Variants in LDB2 observed in about 807,000 individuals in gnomAD.
LDB2 encodes the protein LIM domain-binding protein 2.
Under a neutral mutation model 44.3 loss-of-function variants are expected in LDB2, and 12 were observed. The ratio of observed to expected loss-of-function variants is 0.27; its 90% CI spans 0.17 to 0.44. The LOEUF is 0.44. Ranked by LOEUF, LDB2 falls within the 20% of genes least tolerant of loss-of-function variation. LDB2 has a pLI of 1.00. For synonymous variants in LDB2, 164 were observed against 174.8 expected (o/e 0.94, Z 0.49); for missense variants, 344 against 473.5 (o/e 0.73, Z 2.54).
intron 1 of LDB2, among the ~76,000 whole-genome samples, chr4:16,791,811 A>G (rs1352425131): frequency 3.3e-5 from 5 of 152,212 alleles, no homozygotes; most frequent in African/African-American, 1.2e-4. Flanking sequence ...CCCTTCAGGT[A>G]TCATAAAATG....
At chr4:16,840,354 A>G (rs1387484822) in intron 1 of LDB2, among the ~76,000 whole-genome samples, 2 of 152,228 alleles carry the variant, frequency 1.3e-5, no homozygotes, top group African/African-American at 4.8e-5. Flanking sequence ...AGATACATAT[A>G]TATATCTTAC....
intron 1 of LDB2, among the ~76,000 whole-genome samples, chr4:16,876,923 T>C: frequency 7.8e-6 from 1 of 128,522 alleles, no homozygotes; most frequent in East Asian, 3.8e-4. Flanking sequence ...TTTTTTTCCT[T>C]AGAGACAAGG....
intron 2 of LDB2, among the ~76,000 whole-genome samples, chr4:16,645,516 C>T (rs906947141): frequency 3.7e-5 from 5 of 135,672 alleles, no homozygotes; most frequent in African/African-American, 1.4e-4. Context: ...CGCAGTCCGG[C>T]CTGGGCGACA....
chr4:16,528,976 G>C (rs1230681443), intron 5 of LDB2, among the ~76,000 whole-genome samples: 1 of 152,088 alleles, frequency 6.6e-6, no homozygotes, highest in Non-Finnish European at 1.5e-5. Context: ...ACCGTACCTG[G>C]ATTTTCTTGG....
At chr4:16,728,081 TG>T (rs1759911368) in intron 2 of LDB2, among the ~76,000 whole-genome samples, 1 of 152,172 alleles carries the variant, frequency 6.6e-6, no homozygotes, top group African/African-American at 2.4e-5. Context: ...AAGTTGCATT[TG>T]TTACTTAATT....
chr4:16,843,794 T>TG lies in LDB2; in HGVS notation c.132+54559dup, dbSNP rs769356420. On this transcript the variant is annotated intron_variant, in intron 1 of 7. Coordinates refer to ENST00000304523, the MANE Select transcript of LDB2 (RefSeq NM_001290.5). The stretch of plus-strand genomic sequence containing the variant: ...GTGCCACCACGCCCAGCTAATTTTT[T>TG]GTATGTTTAGTAGAGACAGGGTTTC... Among the ~76,000 whole-genome samples the TG allele has an allele frequency of 2.1e-3, 312 of 152,040 alleles. 3 individuals carry two copies. Among genetic ancestry groups the TG allele is most frequent in the Non-Finnish European group, 1.0e-3 (68 of 67,980 alleles).
At chr4:16,671,966 C>T (rs996797304) in intron 2 of LDB2, among the ~76,000 whole-genome samples, 1 of 152,144 alleles carries the variant, frequency 6.6e-6, no homozygotes, top group Non-Finnish European at 1.5e-5. Flanking sequence ...GCCTGGAGTC[C>T]ACTGGGACGC....
intron 1 of LDB2, among the ~76,000 whole-genome samples, chr4:16,868,389 G>A (rs1046575002): frequency 6.6e-6 from 1 of 152,088 alleles, no homozygotes; most frequent in Non-Finnish European, 1.5e-5. Context: ...ATCTGCTGAC[G>A]GGGGTGTATT....
intron 1 of LDB2, among the ~76,000 whole-genome samples, chr4:16,773,053 G>A (rs1449739623): frequency 6.6e-5 from 10 of 152,122 alleles, no homozygotes; most frequent in Admixed American, 5.2e-4. Context: ...CTTTTCACCC[G>A]CAAATAATAA....
chr4:16,699,803 C>T (rs1260278335), intron 2 of LDB2, among the ~76,000 whole-genome samples: 1 of 152,170 alleles, frequency 6.6e-6, no homozygotes, highest in Non-Finnish European at 1.5e-5. Flanking sequence ...GTAGGGAACA[C>T]AGACATGTGC....
intron 2 of LDB2, among the ~76,000 whole-genome samples, chr4:16,621,846 A>T (rs1243906044): frequency 6.6e-6 from 1 of 152,214 alleles, no homozygotes; most frequent in Non-Finnish European, 1.5e-5. Context: ...GGTGTAAACC[A>T]CTGTGCCCTG....
intron 2 of LDB2, among the ~76,000 whole-genome samples, chr4:16,640,355 G>C (rs1734796150): frequency 1.3e-5 from 2 of 152,226 alleles, no homozygotes; most frequent in South Asian, 4.1e-4. Context: ...TCCTTAGATA[G>C]TTAGTGGATT....
chr4:16,818,375 G>A (rs1364766365), intron 1 of LDB2, among the ~76,000 whole-genome samples: 1 of 152,184 alleles, frequency 6.6e-6, no homozygotes, highest in Non-Finnish European at 1.5e-5. Flanking sequence ...CGCAAAGAGA[G>A]GGGAAATGGA....
intron 5 of LDB2, among the ~76,000 whole-genome samples, chr4:16,570,102 T>C (rs1745875150): frequency 6.6e-6 from 1 of 152,124 alleles, no homozygotes; most frequent in African/African-American, 2.4e-5. Context: ...ATTGACCCTC[T>C]CTATTCACTG....
intron 2 of LDB2, among the ~76,000 whole-genome samples, chr4:16,672,812 G>GTGCC (rs201842603): frequency 0.053 from 6,508 of 123,862 alleles, 473 homozygotes; most frequent in African/African-American, 0.18. Context: ...AACTGCTTGC[G>GTGCC]TGCCTGCCTG....
chr4:16,524,477 C>T (rs1222309818), intron 5 of LDB2, among the ~76,000 whole-genome samples: 1 of 152,002 alleles, frequency 6.6e-6, no homozygotes, highest in Non-Finnish European at 1.5e-5. Flanking sequence ...AGGAAATATA[C>T]GTGTGAATGC....
intron 1 of LDB2, among the ~76,000 whole-genome samples, chr4:16,803,739 G>T (rs924564194): frequency 6.6e-6 from 1 of 152,058 alleles, no homozygotes; most frequent in African/African-American, 2.4e-5. Context: ...GTGTGTCTTG[G>T]TTTTCTCATC....
intron 1 of LDB2, among the ~76,000 whole-genome samples, chr4:16,812,441 A>C (rs959370509): frequency 8.6e-5 from 13 of 151,930 alleles, no homozygotes; most frequent in Admixed American, 8.5e-4. Context: ...CCTAAATTCA[A>C]ATCTGATAAG....
intron 1 of LDB2, among the ~76,000 whole-genome samples, chr4:16,869,826 G>A (rs1173022552): frequency 6.6e-6 from 1 of 152,174 alleles, no homozygotes; most frequent in African/African-American, 2.4e-5. Flanking sequence ...TCCATCTTAA[G>A]TATTTGAGGA....
Sources: gnomAD v4.1 joint callset for allele counts (sites outside exome capture counted in the v4.1 genomes callset) on GRCh38, gnomAD v4.1.1 for gene constraint, MANE v1.5 for transcripts, NCBI Gene and HGNC (gene_info 2026-07-23, HGNC 2026-07-21) for gene names.